ITPK1: variants seen among roughly 807,000 people sequenced by gnomAD.
ITPK1 encodes the protein inositol 1,3,4-trisphosphate 5/6-kinase.
Under a neutral mutation model 45.3 loss-of-function variants are expected in ITPK1, and 21 were observed. The observed-to-expected ratio is 0.46, with a 90% CI of 0.33 to 0.67. ITPK1 has a LOEUF of 0.67. ITPK1 is among the 30% of genes least tolerant of loss of function. The pLI, the probability that ITPK1 is intolerant of heterozygous loss-of-function variation, is 0.02. For synonymous variants in ITPK1, 258 were observed against 253.6 expected (o/e 1.02, Z -0.16); for missense variants, 474 against 573.5 (o/e 0.83, Z 1.77).
intron 7 of ITPK1, among the ~76,000 whole-genome samples, chr14:92,959,261 G>T (rs1028062669): frequency 7.2e-5 from 11 of 152,212 alleles, no homozygotes; most frequent in African/African-American, 2.4e-4. Flanking sequence ...CTGGTGCCAG[G>T]GTCATGGCTA....
At chr14:93,062,974 C>T (rs1480323300) in intron 3 of ITPK1, among the ~76,000 whole-genome samples, 1 of 152,184 alleles carries the variant, frequency 6.6e-6, no homozygotes, top group African/African-American at 2.4e-5. Context: ...GTCCTGCCCT[C>T]ACCAGGCCCC....
chr14:92,972,471 A>G (rs1885710655), intron 5 of ITPK1, among the ~76,000 whole-genome samples: 1 of 152,198 alleles, frequency 6.6e-6, no homozygotes, highest in Non-Finnish European at 1.5e-5. Flanking sequence ...AACTCTGCCA[A>G]CACTAAGATC....
chr14:92,962,779 C>T lies in ITPK1; in HGVS notation c.435G>A (p.Leu145=), dbSNP rs765675487. The change falls in exon 6 of 11, where the codon CTG becomes CTA. Residue 145 remains leucine (L), a synonymous_variant. Transcript: ENST00000267615. The part of the protein sequence containing the change: ...SLCGDDTMRL[L]EKNGLTFPFI... ...ATGGGAAAGTCAAGCCGTTCTTCTC[C>T]AGCAGCCGCATGGTGTCATCCCCGC... The T allele has an allele frequency of 1.2e-6, 2 of 1,613,978 alleles. No individual in the cohort carries two copies. The highest frequency in any genetic ancestry group is 4.5e-5 in the East Asian group (2 of 44,884).
At chr14:92,959,019 C>A (rs369410430) in intron 7 of ITPK1, among the ~76,000 whole-genome samples, 3 of 152,162 alleles carry the variant, frequency 2.0e-5, no homozygotes, top group East Asian at 3.8e-4. Flanking sequence ...AGCACCCAGC[C>A]GCGCCCCTAC....
chr14:93,097,714 A>G lies in ITPK1; in HGVS notation c.95+17355T>C, dbSNP rs184382360. 6.3e-4 allele frequency among the ~76,000 whole-genome samples: 96 copies of G among 152,364 alleles called. 1 individual carries two copies. The highest frequency in any genetic ancestry group is 2.1e-3 in the African/African-American group (86 of 41,586). On this transcript the variant is annotated intron_variant, in intron 2 of 10. Coordinates refer to ENST00000267615, the MANE Select transcript of ITPK1 (RefSeq NM_014216.6). ...GCAGCTGTACCTACAACAGCAAGAA[A>G]ATGGGAAAAATCGGCCAGGCACAGT...
chr14:92,989,581 G>A (rs997799006), intron 5 of ITPK1, among the ~76,000 whole-genome samples: 4 of 152,164 alleles, frequency 2.6e-5, no homozygotes, highest in Non-Finnish European at 5.9e-5. Context: ...CTTGGCTTTG[G>A]GGCTTCCATC....
At chr14:93,004,607 A>G (rs141539212) in intron 4 of ITPK1, among the ~76,000 whole-genome samples, 1 of 151,958 alleles carries the variant, frequency 6.6e-6, no homozygotes, top group East Asian at 1.9e-4. Context: ...AATGAGTGTG[A>G]GAGCATATGA....
chr14:92,949,614 A>G (rs947481231), intron 9 of ITPK1, among the ~76,000 whole-genome samples: 5 of 152,214 alleles, frequency 3.3e-5, no homozygotes, highest in Admixed American at 6.5e-5. Flanking sequence ...TAAATGGGGT[A>G]ATAAAAACAT....
rs1884870328 is a variant in ITPK1 at position 92,958,457 on chromosome 14, A to G, written c.505-91T>C. 8.0e-7 allele frequency: 1 copy of G among 1,257,764 alleles called. No individual in the cohort carries two copies. The highest frequency in any genetic ancestry group is 2.4e-5 in the East Asian group (1 of 41,680). The allele number at this position is 1,257,764 out of a possible 1,614,324, so 77.9% of individuals were successfully genotyped here. On this transcript the variant is annotated intron_variant, in intron 7 of 10. Transcript: ENST00000267615. The surrounding 1 kb of genome is among the most constrained non-coding windows in gnomAD (Gnocchi z 4.4). ...TGTGTCACCTGTCCAGAGCACCTCC[A>G]CCAAGGCCCATCCCTGGTCCTGTGG... is the stretch of plus-strand genomic sequence containing the variant.
chr14:93,088,525 T>C (rs1891743045), intron 2 of ITPK1, among the ~76,000 whole-genome samples: 1 of 152,014 alleles, frequency 6.6e-6, no homozygotes, highest in East Asian at 1.9e-4. Context: ...TCTGTTAATT[T>C]TTGTGTTTTT....
rs531105375 is a variant in ITPK1 at position 93,032,121 on chromosome 14, G to A, written c.121-15320C>T. Among the ~76,000 whole-genome samples the A allele has an allele frequency of 3.4e-4, 52 of 152,232 alleles. No individual in the cohort carries two copies. The highest frequency in any genetic ancestry group is 1.7e-3 in the East Asian group (9 of 5,162). ...TCCCAGCACTTTAGGAGGCTGGGGCGGGCGGATCACTTGGGGTCAGGAGTT... is the reference window on the plus strand; with the variant it reads ...TCCCAGCACTTTAGGAGGCTGGGGCAGGCGGATCACTTGGGGTCAGGAGTT... On this transcript the variant is annotated intron_variant, in intron 3 of 10. Transcript: ENST00000267615. This position sits in a 1 kb window ranked among gnomAD's most constrained non-coding sequence, Gnocchi z 4.0.
At chr14:92,992,088 C>A (rs1886818846) in intron 5 of ITPK1, among the ~76,000 whole-genome samples, 1 of 152,184 alleles carries the variant, frequency 6.6e-6, no homozygotes, top group African/African-American at 2.4e-5. Context: ...CTTTTGGCTC[C>A]AAAAGGCCCT....
intron 2 of ITPK1, among the ~76,000 whole-genome samples, chr14:93,112,461 A>G (rs549712517): frequency 1.9e-4 from 22 of 117,930 alleles, no homozygotes; most frequent in Non-Finnish European, 3.3e-4. Context: ...TTTTTTTGAG[A>G]TGGAGTCTCG....
intron 2 of ITPK1, among the ~76,000 whole-genome samples, chr14:93,080,742 A>AT (rs112499121): frequency 0.012 from 1,766 of 146,812 alleles, 28 homozygotes; most frequent in African/African-American, 0.036. Context: ...TAAAAGTTAC[A>AT]TTTTTTTTTT....
At chr14:93,049,030 TG>T (rs1180211531) in intron 3 of ITPK1, among the ~76,000 whole-genome samples, 1 of 152,166 alleles carries the variant, frequency 6.6e-6, no homozygotes, top group Non-Finnish European at 1.5e-5. Flanking sequence ...CAAGGGAGGC[TG>T]GGAATGAAGC....
chr14:93,006,538 C>T (rs1887625177), intron 4 of ITPK1, among the ~76,000 whole-genome samples: 1 of 152,208 alleles, frequency 6.6e-6, no homozygotes, highest in Non-Finnish European at 1.5e-5. Flanking sequence ...AGGTCACAGG[C>T]ACACCCATCC....
At position 92,950,087 on chromosome 14, in the gene ITPK1, G is replaced by A. The variant is rs557984202; in HGVS notation, c.738+1859C>T. 2.2e-4 allele frequency among the ~76,000 whole-genome samples: 33 copies of A among 152,352 alleles called. 1 individual carries two copies. The highest frequency in any genetic ancestry group is 4.3e-4 in the Non-Finnish European group (29 of 68,036). On this transcript the variant is annotated intron_variant, in intron 9 of 10. Coordinates refer to ENST00000267615, the MANE Select transcript of ITPK1 (RefSeq NM_014216.6). ...GACGCGACTCGCCTTAGCTTGGGCC[G>A]GACCCCAGGCAGTCCCGTCAGAGTC...
intron 2 of ITPK1, among the ~76,000 whole-genome samples, chr14:93,080,486 T>A (rs1891391439): frequency 6.6e-6 from 1 of 152,218 alleles, no homozygotes; most frequent in Admixed American, 6.5e-5. Context: ...CATGAAAAGC[T>A]TCCAAGTGCT....
intron 5 of ITPK1, among the ~76,000 whole-genome samples, chr14:92,972,065 C>T (rs12589194): frequency 0.21 from 31,250 of 152,128 alleles, 3,518 homozygotes; most frequent in East Asian, 0.31. Flanking sequence ...ACTCCATAAT[C>T]ATCATCTCCA....
Sources: gnomAD v4.1 joint callset for allele counts (sites outside exome capture counted in the v4.1 genomes callset) on GRCh38, gnomAD v4.1.1 for gene constraint, Gnocchi (gnomAD v3.1) non-coding constraint, MANE v1.5 for transcripts, NCBI Gene and HGNC (gene_info 2026-07-23, HGNC 2026-07-21) for gene names.